The following MBD5 variants were observed in gnomAD, a reference collection of about 807,000 sequenced individuals.
MBD5 encodes methyl-CpG binding domain protein 5, also known as methyl-CpG-binding domain protein 5.
In MBD5, 13 loss-of-function variants were observed where a neutral mutation model predicts 117.3. That is an observed-to-expected ratio of 0.11 (90% CI 0.07 to 0.18). MBD5 has a LOEUF of 0.18. Ranked by LOEUF, MBD5 falls within the 10% of genes least tolerant of loss-of-function variation. The pLI is 1.00. For synonymous variants in MBD5, 727 were observed against 766.4 expected, an observed-to-expected ratio of 0.95 and a Z score of 0.85; for missense variants, 1,879 against 2,093.8, an observed-to-expected ratio of 0.90 and a Z score of 2.00.
chr2:148,374,694 T>C (rs1703947879), intron 4 of MBD5, among the ~76,000 whole-genome samples: 1 of 152,154 alleles, frequency 6.6e-6, no homozygotes. Context: ...CCTCTCAGGA[T>C]TCTGGGATAT....
rs538796772 is a variant in MBD5 at position 148,142,336 on chromosome 2, T to C, written c.-924-36364T>C. 1.1e-4 allele frequency among the ~76,000 whole-genome samples: 16 copies of C among 152,260 alleles called. No individual in the cohort carries two copies. The East Asian group carries it at 3.1e-3, about 29-fold the overall frequency. On this transcript the variant is annotated intron_variant, in intron 1 of 13. Transcript: ENST00000642680. ...CATCATAATGGAGATAAAGAGAAGA[T>C]TGTGAGGTGCTTCCTAAGGGCAAGG...
Position 148,021,471 on chromosome 2 carries a change from GCTGCTGCTGTTGCTGCTGCTGCTGCTA to G in MBD5, c.-1128_-1102del, listed in dbSNP as rs1373757641. On this transcript the variant is annotated 5_prime_UTR_variant, in exon 1 of 14. Coordinates refer to ENST00000642680, the MANE Select transcript of MBD5 (RefSeq NM_001378120.1). The stretch of plus-strand genomic sequence containing the variant: ...ACCCTTTGCTGCTGCTGTTGCTGCT[GCTGCTGCTGTTGCTGCTGCTGCTGCTA>G]CTGCTGCTGCTGCTACTGCTGCTGC... The G allele has an allele frequency of 8.5e-5, 49 of 579,092 alleles. No homozygotes were observed. Among genetic ancestry groups the G allele is most frequent in the Non-Finnish European group, 2.3e-5 (7 of 300,836 alleles). The allele number at this position is 579,092 out of a possible 1,614,324, so 35.9% of individuals were successfully genotyped here.
intron 1 of MBD5, among the ~76,000 whole-genome samples, chr2:148,170,450 T>C (rs1389034687): frequency 6.6e-6 from 1 of 152,220 alleles, no homozygotes; most frequent in Non-Finnish European, 1.5e-5. Flanking sequence ...AAACAGCAAA[T>C]ATAAGCTAAA....
chr2:148,309,966 G>A (rs1428141515), intron 3 of MBD5, among the ~76,000 whole-genome samples: 1 of 152,162 alleles, frequency 6.6e-6, no homozygotes, highest in Non-Finnish European at 1.5e-5. Context: ...TTACAATGTT[G>A]AACCAGCCTT....
chr2:148,102,664 T>TACAC lies in MBD5; in HGVS notation c.-924-76018_-924-76015dup, dbSNP rs113654978. ...GGAGTCAGAATTAAATTGCTTATTT[T>TACAC]ACACACACACACACACACACAGAGA... On this transcript the variant is annotated intron_variant, in intron 1 of 13. Coordinates refer to ENST00000642680, the MANE Select transcript of MBD5 (RefSeq NM_001378120.1). 1.0e-2 allele frequency among the ~76,000 whole-genome samples: 1,437 copies of TACAC among 143,776 alleles called. 12 individuals carry two copies. The highest frequency in any genetic ancestry group is 0.024 in the African/African-American group (934 of 38,538). The allele number at this position is 143,776 out of a possible 152,430, so 94.3% of individuals were successfully genotyped here. A position where few individuals can be genotyped will look rare whatever the true frequency, so the allele number is the denominator to read the frequency against.
chr2:148,309,880 T>A (rs1701987972), intron 3 of MBD5, among the ~76,000 whole-genome samples: 1 of 152,216 alleles, frequency 6.6e-6, no homozygotes, highest in South Asian at 2.1e-4. Flanking sequence ...GTTGTTGAAT[T>A]TTATCAAAGG....
intron 4 of MBD5, among the ~76,000 whole-genome samples, chr2:148,377,596 G>A (rs959550324): frequency 2.0e-5 from 3 of 152,186 alleles, no homozygotes; most frequent in African/African-American, 7.2e-5. Flanking sequence ...TTTGACCACT[G>A]ATGTGATTAT....
intron 4 of MBD5, among the ~76,000 whole-genome samples, chr2:148,349,245 CA>C (rs1466006626): frequency 6.6e-6 from 1 of 151,916 alleles, no homozygotes; most frequent in Admixed American, 6.6e-5. Flanking sequence ...TATTTAATCT[CA>C]TTGAGTCTCT....
chr2:148,121,404 T>C (rs1188393860), intron 1 of MBD5, among the ~76,000 whole-genome samples: 1 of 152,028 alleles, frequency 6.6e-6, no homozygotes, highest in Admixed American at 6.5e-5. Context: ...TTTCTAACTT[T>C]TGGGTTTTTT....
At position 148,162,606 on chromosome 2, in the gene MBD5, C is replaced by T. The variant is rs746315957; in HGVS notation, c.-924-16094C>T. ...TGTTAAAATTACTGGCTATCAAATA[C>T]TAGTAAAAATTAGCAATAGTGTGTG... On this transcript the variant is annotated intron_variant, in intron 1 of 13. Transcript: ENST00000642680. 2.6e-5 allele frequency among the ~76,000 whole-genome samples: 4 copies of T among 152,044 alleles called. No homozygotes were observed. The South Asian group carries it at 8.3e-4, about 32-fold the overall frequency.
intron 8 of MBD5, among the ~76,000 whole-genome samples, chr2:148,475,149 A>G (rs2105687640): frequency 6.6e-6 from 1 of 152,266 alleles, no homozygotes; most frequent in African/African-American, 2.4e-5. Flanking sequence ...GTTGCTAGTG[A>G]AAGTATTTTC....
chr2:148,259,550 G>A (rs893742964), intron 3 of MBD5, among the ~76,000 whole-genome samples: 1 of 152,176 alleles, frequency 6.6e-6, no homozygotes, highest in Non-Finnish European at 1.5e-5. Flanking sequence ...CAATTCTCAG[G>A]TTCTAACTGA....
chr2:148,157,738 T>A (rs997573032), intron 1 of MBD5, among the ~76,000 whole-genome samples: 3 of 152,192 alleles, frequency 2.0e-5, no homozygotes, highest in African/African-American at 7.2e-5. Context: ...CTATCAAAGA[T>A]TTTTTATTTT....
intron 3 of MBD5, among the ~76,000 whole-genome samples, chr2:148,325,013 A>G (rs1301253054): frequency 1.3e-5 from 2 of 152,198 alleles, no homozygotes; most frequent in Admixed American, 1.3e-4. Flanking sequence ...CATCCCATCA[A>G]TATCTAATTT....
At chr2:148,361,789 G>A (rs1055655695) in intron 4 of MBD5, among the ~76,000 whole-genome samples, 3 of 152,162 alleles carry the variant, frequency 2.0e-5, no homozygotes, top group African/African-American at 7.2e-5. Context: ...CGCAGAAGGC[G>A]GGTAATTTCT....
At chr2:148,455,564 C>G (rs562773212) in intron 4 of MBD5, among the ~76,000 whole-genome samples, 11 of 152,132 alleles carry the variant, frequency 7.2e-5, no homozygotes, top group Non-Finnish European at 1.6e-4. Flanking sequence ...TGATGTTTGT[C>G]CCAGAACCAT....
intron 3 of MBD5, among the ~76,000 whole-genome samples, chr2:148,321,176 A>G (rs1702272989): frequency 6.6e-6 from 1 of 152,206 alleles, no homozygotes; most frequent in African/African-American, 2.4e-5. Context: ...ATAACTTAGT[A>G]AACAGTTACA....
chr2:148,298,772 A>T, intron 3 of MBD5, among the ~76,000 whole-genome samples: 1 of 152,248 alleles, frequency 6.6e-6, no homozygotes, highest in Middle Eastern at 3.2e-3. Context: ...CATGTCAGTA[A>T]ATTACAGCAT....
chr2:148,092,806 T>C (rs1001313416), intron 1 of MBD5, among the ~76,000 whole-genome samples: 14 of 45,366 alleles, frequency 3.1e-4, no homozygotes, highest in African/African-American at 8.5e-4. Context: ...CCCAAAACTT[T>C]TGAAATTAAA....
Sources: allele counts gnomAD v4.1 joint callset (sites outside exome capture counted in the v4.1 genomes callset), GRCh38; gene constraint gnomAD v4.1.1; transcripts MANE v1.5; gene names NCBI Gene and HGNC (gene_info 2026-07-23, HGNC 2026-07-21).